Variants in NMNAT2 observed in about 807,000 individuals in gnomAD.
NMNAT2 encodes the protein nicotinamide/nicotinic acid mononucleotide adenylyltransferase 2.
Under a neutral mutation model 41.6 loss-of-function variants are expected in NMNAT2, and 11 were observed. The ratio of observed to expected loss-of-function variants is 0.26; its 90% CI spans 0.17 to 0.44. NMNAT2 has a LOEUF of 0.44. Ranked by LOEUF, NMNAT2 falls within the 20% of genes least tolerant of loss-of-function variation. NMNAT2 has a pLI of 1.00. For missense variants in NMNAT2, 288 were observed against 407.7 expected, an observed-to-expected ratio of 0.71 and a Z score of 2.53; for synonymous variants, 148 against 151.2, an observed-to-expected ratio of 0.98 and a Z score of 0.16.
rs747289430 is a variant in NMNAT2, at chr1:183,248,730, G to A, written c.*3911C>T. The A allele has an allele frequency of 2.0e-5, 3 of 152,110 alleles. No individual in the cohort carries two copies. The highest frequency in any genetic ancestry group is 4.4e-5 in the Non-Finnish European group (3 of 68,040). 9.4% of individuals were successfully genotyped at this position (152,110 alleles called of 1,614,324 possible). A position where few individuals can be genotyped will look rare whatever the true frequency, so the allele number is the denominator to read the frequency against. Reference sequence around the variant, plus strand: ...TCCTAATTGTATGAGCTACAAAATCGGTCCCTGTTTCCATTCTTCCCATCT... The same window carrying A: ...TCCTAATTGTATGAGCTACAAAATCAGTCCCTGTTTCCATTCTTCCCATCT... On this transcript the variant is annotated 3_prime_UTR_variant, in exon 11 of 11. Transcript: ENST00000287713.
intron 1 of NMNAT2, among the ~76,000 whole-genome samples, chr1:183,366,262 G>A (rs1557890839): frequency 1.3e-5 from 2 of 152,070 alleles, no homozygotes; most frequent in African/African-American, 2.4e-5. Context: ...ATACACCTTG[G>A]GCAAATCACT....
At chr1:183,364,655 A>AGTTCTTTC (rs1663375209) in intron 1 of NMNAT2, among the ~76,000 whole-genome samples, 1 of 142,974 alleles carries the variant, frequency 7.0e-6, no homozygotes, top group African/African-American at 2.5e-5. Context: ...GGGGAGGATG[A>AGTTCTTTC]TTTCTTTCTT....
At chr1:183,410,063 C>A (rs147084151) in intron 1 of NMNAT2, among the ~76,000 whole-genome samples, 2,935 of 151,722 alleles carry the variant, frequency 0.019, 64 homozygotes, top group African/African-American at 0.055. Flanking sequence ...AATCTCAGCA[C>A]TTTGGGAGGC....
intron 1 of NMNAT2, among the ~76,000 whole-genome samples, chr1:183,413,589 T>C (rs966833585): frequency 2.7e-5 from 4 of 147,536 alleles, no homozygotes; most frequent in African/African-American, 5.0e-5. Context: ...GAAATATTAA[T>C]TTTCTTTTCT....
chr1:183,403,140 G>T (rs1236812154), intron 1 of NMNAT2, among the ~76,000 whole-genome samples: 1 of 151,822 alleles, frequency 6.6e-6, no homozygotes, highest in African/African-American at 2.4e-5. Context: ...CACCATGTTG[G>T]CTAGGCTGGT....
intron 1 of NMNAT2, among the ~76,000 whole-genome samples, chr1:183,399,607 A>T (rs947526576): frequency 3.9e-5 from 6 of 152,120 alleles, no homozygotes; most frequent in African/African-American, 1.4e-4. Flanking sequence ...AGACACAATA[A>T]AAAAAAGAGA....
At chr1:183,402,987 G>A (rs983012304) in intron 1 of NMNAT2, among the ~76,000 whole-genome samples, 1 of 149,814 alleles carries the variant, frequency 6.7e-6, no homozygotes, top group African/African-American at 2.5e-5. Flanking sequence ...TGAGGTGGGT[G>A]CAAGGACGTG....
chr1:183,315,322 G>C (rs986721782), intron 1 of NMNAT2, among the ~76,000 whole-genome samples: 8 of 152,184 alleles, frequency 5.3e-5, no homozygotes, highest in Non-Finnish European at 1.0e-4. Flanking sequence ...ATAAAGAATA[G>C]CACTAAGTTC....
chr1:183,310,777 C>T (rs951420), intron 1 of NMNAT2, among the ~76,000 whole-genome samples: 28,752 of 151,670 alleles, frequency 0.19, 2,883 homozygotes, highest in East Asian at 0.38. Flanking sequence ...ATAAACAAGG[C>T]CTCTGTTTTA....
intron 1 of NMNAT2, among the ~76,000 whole-genome samples, chr1:183,326,257 T>C (rs901027626): frequency 2.0e-5 from 3 of 151,338 alleles, no homozygotes; most frequent in African/African-American, 7.3e-5. Context: ...ACACTTGTAA[T>C]CCCAGCTACT....
intron 10 of NMNAT2, among the ~76,000 whole-genome samples, chr1:183,254,536 C>T (rs1660470998): frequency 6.6e-6 from 1 of 152,020 alleles, no homozygotes; most frequent in South Asian, 2.1e-4. Flanking sequence ...CTCCTGGGCT[C>T]AAGCAATCCT....
At chr1:183,362,307 T>C (rs1663322831) in intron 1 of NMNAT2, among the ~76,000 whole-genome samples, 2 of 152,254 alleles carry the variant, frequency 1.3e-5, no homozygotes, top group Admixed American at 6.5e-5. Flanking sequence ...GAGTGTGCAA[T>C]TCAGTGATTT....
At chr1:183,300,070 G>A (rs1348151584) in intron 1 of NMNAT2, among the ~76,000 whole-genome samples, 2 of 152,094 alleles carry the variant, frequency 1.3e-5, no homozygotes, top group African/African-American at 4.8e-5. Flanking sequence ...AAGAGGCCTG[G>A]GGAGCCCATT....
rs578020812 is a variant in NMNAT2 at position 183,330,505 on chromosome 1, C to T, written c.86-36712G>A. 6.6e-5 allele frequency among the ~76,000 whole-genome samples: 10 copies of T among 152,268 alleles called. 1 individual carries two copies. Among genetic ancestry groups the T allele is most frequent in the African/African-American group, 9.6e-5 (4 of 41,554 alleles). On this transcript the variant is annotated intron_variant, in intron 1 of 10. Coordinates refer to ENST00000287713, the MANE Select transcript of NMNAT2 (RefSeq NM_015039.4). ...CTTCACCATGGTCCCTACCTACACT[C>T]CCTCCCCAGGGAGCCTCCCTGTTCT... is the stretch of plus-strand genomic sequence containing the variant.
intron 1 of NMNAT2, chr1:183,304,789 C>CAG: frequency 6.2e-7 from 1 of 1,612,204 alleles, no homozygotes; most frequent in Non-Finnish European, 8.5e-7. Context: ...TGCTGGCCAT[C>CAG]AGAGAGTAAC....
At chr1:183,310,580 G>T (rs1219343062) in intron 1 of NMNAT2, among the ~76,000 whole-genome samples, 1 of 152,118 alleles carries the variant, frequency 6.6e-6, no homozygotes. Context: ...ACCCCCCAGG[G>T]CACATTTGGC....
chr1:183,357,521 G>T (rs1159001579), intron 1 of NMNAT2, among the ~76,000 whole-genome samples: 3 of 152,064 alleles, frequency 2.0e-5, no homozygotes, highest in Admixed American at 1.3e-4. Context: ...GAGCCACCAC[G>T]CCCGGCTGAG....
chr1:183,403,405 A>G (rs1571641684), intron 1 of NMNAT2, among the ~76,000 whole-genome samples: 2 of 151,986 alleles, frequency 1.3e-5, no homozygotes, highest in South Asian at 4.2e-4. Context: ...TGTGGGTTCT[A>G]TTGAGTTGGG....
chr1:183,277,628 C>T (rs1249711984), intron 8 of NMNAT2, among the ~76,000 whole-genome samples: 1 of 151,932 alleles, frequency 6.6e-6, no homozygotes, highest in African/African-American at 2.4e-5. Flanking sequence ...TGTCCTGCCT[C>T]GATCTCTGTC....
Sources: allele counts gnomAD v4.1 joint callset (sites outside exome capture counted in the v4.1 genomes callset), GRCh38; gene constraint gnomAD v4.1.1; transcripts MANE v1.5; gene names NCBI Gene and HGNC (gene_info 2026-07-23, HGNC 2026-07-21).